Variants in MMP28 observed in about 807,000 individuals in gnomAD.
MMP28 encodes the protein matrix metalloproteinase-28.
In MMP28, 55 loss-of-function variants were observed where a neutral mutation model predicts 60.5. The observed-to-expected ratio is 0.91, with a 90% CI of 0.73 to 1.14. The LOEUF is 1.14. Among genes scored for constraint, MMP28 ranks in the 50% most tolerant of loss-of-function variants. The pLI is 0.00. For missense variants in MMP28, 686 were observed against 738.3 expected, an observed-to-expected ratio of 0.93 and a Z score of 0.82; for synonymous variants, 318 against 312.5, an observed-to-expected ratio of 1.02 and a Z score of -0.18.
At chr17:35,772,865 A>G (rs1470880654) in intron 4 of MMP28, among the ~76,000 whole-genome samples, 1 of 152,120 alleles carries the variant, frequency 6.6e-6, no homozygotes, top group Non-Finnish European at 1.5e-5. Flanking sequence ...AGAACAAGAG[A>G]AGCACAGGCC....
intron 1 of MMP28, among the ~76,000 whole-genome samples, chr17:35,785,259 C>CAGTG (rs2086614356): frequency 1.3e-5 from 2 of 152,096 alleles, no homozygotes; most frequent in Admixed American, 1.3e-4. Context: ...AGGGCAGGAC[C>CAGTG]AGTGATGAGG....
chr17:35,763,974 G>C (rs2085878953), downstream of MMP28: 2 of 1,462,408 alleles, frequency 1.4e-6, no homozygotes, highest in South Asian at 2.8e-5. Context: ...CTCGGGGACA[G>C]CAGGACTGCC....
intron 4 of MMP28, among the ~76,000 whole-genome samples, chr17:35,772,975 TCTGA>T (rs1555606261): frequency 6.6e-6 from 1 of 152,228 alleles, no homozygotes; most frequent in Non-Finnish European, 1.5e-5. Flanking sequence ...CAGAGCTTCA[TCTGA>T]CTGTCCCTTC....
At chr17:35,771,160 C>T (rs948618166) in intron 4 of MMP28, among the ~76,000 whole-genome samples, 4 of 151,754 alleles carry the variant, frequency 2.6e-5, no homozygotes, top group African/African-American at 7.3e-5. Context: ...AGGCTGGGTG[C>T]GGTGGCTCAC....
downstream of MMP28, chr17:35,763,934 A>AAATAAATAAATG: frequency 9.4e-7 from 1 of 1,062,308 alleles, no homozygotes; most frequent in Middle Eastern, 2.8e-4. Context: ...ATAAATAAAT[A>AAATAAATAAATG]AATACATGAA....
chr17:35,779,158 C>A, intron 2 of MMP28, 83 bp from the exon 3 acceptor site: 1 of 1,565,794 alleles, frequency 6.4e-7, no homozygotes, highest in South Asian at 1.1e-5. Context: ...GTGTAGCCAG[C>A]CAGGCTTCCA....
chr17:35,764,071 G>A (rs1555602101), downstream of MMP28: 2 of 1,550,194 alleles, frequency 1.3e-6, no homozygotes, highest in Admixed American at 2.0e-5. Context: ...CGGAGCAAGA[G>A]GAAGGGAAGG....
chr17:35,756,308 T>G (rs2085737180), exon 3 of MMP28: 1 of 689,238 alleles, frequency 1.5e-6, no homozygotes, highest in Non-Finnish European at 1.8e-6. Context: ...AGTAGGCAAG[T>G]GGCTCTGCTC....
downstream of MMP28, chr17:35,764,733 T>C (rs1248884864): frequency 8.4e-5 from 100 of 1,196,496 alleles, no homozygotes; most frequent in Non-Finnish European, 1.1e-4. Flanking sequence ...GACCGCCCCT[T>C]CTCAGCTGCT....
In MMP28 at chr17:35,760,807, G is replaced by A. The variant is rs1309449635; in HGVS notation, c.266-4388C>T. On this transcript the variant is annotated intron_variant, in intron 2 of 2. Transcript: ENST00000615317. ...AAATTATTCCTGGGCAGAGCCTTATGGGCAGGTGAGGTTCTAGCCCCACCC... is the reference window on the plus strand; with the variant it reads ...AAATTATTCCTGGGCAGAGCCTTATAGGCAGGTGAGGTTCTAGCCCCACCC... The A allele has an allele frequency of 4.1e-6, 4 of 984,776 alleles. No individual in the cohort carries two copies. The East Asian group carries it at 9.8e-5, about 24-fold the overall frequency. The allele number at this position is 984,776 out of a possible 1,614,324, so 61.0% of individuals were successfully genotyped here.
At chr17:35,782,830 T>A (rs982528099) in intron 1 of MMP28, among the ~76,000 whole-genome samples, 7 of 151,812 alleles carry the variant, frequency 4.6e-5, no homozygotes, top group South Asian at 2.1e-4. Context: ...TTTTTTTTTT[T>A]AATTTTTATT....
At chr17:35,770,585 T>G (rs1279990162) in intron 4 of MMP28, among the ~76,000 whole-genome samples, 1 of 152,332 alleles carries the variant, frequency 6.6e-6, no homozygotes, top group South Asian at 2.1e-4. Context: ...GTGCCATTCC[T>G]ACTTTTACAA....
rs200165337 is a variant in MMP28, at chr17:35,786,699, C to CAAAAAAAAAAAAAAAA, written c.112-7392_112-7377dup. Among the ~76,000 whole-genome samples the CAAAAAAAAAAAAAAAA allele has an allele frequency of 6.8e-4, 48 of 71,016 alleles. 2 individuals are homozygous for CAAAAAAAAAAAAAAAA. The highest frequency in any genetic ancestry group is 2.7e-3 in the African/African-American group (42 of 15,746). 46.6% of individuals were successfully genotyped at this position (71,016 alleles called of 152,430 possible). A position where few individuals can be genotyped will look rare whatever the true frequency, so the allele number is the denominator to read the frequency against. ...GCCTCATAGTGAGATCCTGTCTCTA[C>CAAAAAAAAAAAAAAAA]AAAAAAAAAAAAAAAAGATGAATGA... On this transcript the variant is annotated intron_variant, in intron 1 of 7. Coordinates refer to ENST00000605424, the MANE Select transcript of MMP28 (RefSeq NM_024302.5).
At chr17:35,758,787 A>G (rs1480034826) in intron 2 of MMP28, among the ~76,000 whole-genome samples, 1 of 152,180 alleles carries the variant, frequency 6.6e-6, no homozygotes, top group Non-Finnish European at 1.5e-5. Context: ...ACTTTTTAGG[A>G]AGGTCCCACA....
rs1325732066 is a variant in MMP28, at chr17:35,766,110, C to T, written c.*390G>A. 1 of 1,009,586 alleles carries T rather than the reference C, an allele frequency of 9.9e-7. No homozygotes were observed. Among genetic ancestry groups the T allele is most frequent in the Non-Finnish European group, 1.2e-6 (1 of 845,610 alleles). The allele number at this position is 1,009,586 out of a possible 1,614,324, so 62.5% of individuals were successfully genotyped here. ...GGGGTCCTGAGGAGAAGGGCACAGT[C>T]TTGCAAAATGGTCTCGAATTTCTCT... On this transcript the variant is annotated 3_prime_UTR_variant, in exon 8 of 8. Transcript: ENST00000605424. The surrounding 1 kb of genome is among the most constrained non-coding windows in gnomAD (Gnocchi z 4.3).
At position 35,771,738 on chromosome 17, in the gene MMP28, T is replaced by A. The variant is rs867989119; in HGVS notation, c.605-1426A>T. Among the ~76,000 whole-genome samples the A allele has an allele frequency of 5.4e-4, 54 of 100,786 alleles. 5 individuals are homozygous for A. The highest frequency in any genetic ancestry group is 1.9e-3 in the African/African-American group (48 of 25,516). 66.1% of individuals were successfully genotyped at this position (100,786 alleles called of 152,430 possible). On this transcript the variant is annotated intron_variant, in intron 4 of 7. Transcript: ENST00000605424. ...ATATATATATATATATATATATATA[T>A]ATATATATATATATATAAAATTGTG...
At chr17:35,764,822 G>A, downstream of MMP28, 1 of 549,100 alleles carries the variant, frequency 1.8e-6, no homozygotes, top group Non-Finnish European at 3.0e-6. Flanking sequence ...CCCCAGTGCA[G>A]AGCCCAGCAT....
intron 4 of MMP28, among the ~76,000 whole-genome samples, chr17:35,771,079 C>T (rs777480384): frequency 1.3e-5 from 2 of 150,946 alleles, no homozygotes; most frequent in African/African-American, 2.4e-5. Context: ...AACCACGAAA[C>T]AACAACAACA....
intron 7 of MMP28, 113 bp downstream of exon 7, chr17:35,767,639 A>C: frequency 7.9e-7 from 1 of 1,261,138 alleles, no homozygotes; most frequent in East Asian, 2.5e-5. Context: ...TGGAATGGAG[A>C]CTCCACCATG....
Sources: allele counts gnomAD v4.1 joint callset (sites outside exome capture counted in the v4.1 genomes callset), GRCh38; gene constraint gnomAD v4.1.1; non-coding constraint Gnocchi (gnomAD v3.1); transcripts MANE v1.5; gene names NCBI Gene and HGNC (gene_info 2026-07-23, HGNC 2026-07-21).